Variants in EBF4 observed in about 807,000 individuals in gnomAD.
EBF4 encodes the protein transcription factor COE4.
EBF4 carries 34 observed loss-of-function variants against 67.1 expected under a neutral mutation model. The ratio of observed to expected loss-of-function variants is 0.51; its 90% CI spans 0.39 to 0.67. EBF4 has a LOEUF of 0.67. Ranked by LOEUF, EBF4 falls within the 30% of genes least tolerant of loss-of-function variation. The pLI, the probability that EBF4 is intolerant of heterozygous loss-of-function variation, is 0.00. For missense variants in EBF4, 837 were observed against 873.3 expected (o/e 0.96, Z 0.52); for synonymous variants, 387 against 377.7 (o/e 1.02, Z -0.29).
chr20:2,733,288 T>C (rs2087838107), intron 6 of EBF4, among the ~76,000 whole-genome samples: 1 of 152,220 alleles, frequency 6.6e-6, no homozygotes, highest in African/African-American at 2.4e-5. Flanking sequence ...GGATTCCTTA[T>C]ATATGACGAG....
rs141168809 is a variant in EBF4, at chr20:2,708,519, CA to C, written c.488+500del. On this transcript the variant is annotated intron_variant, in intron 5 of 16. Transcript: ENST00000609451. ...GTCTCCCCAAGAGATGCCAGTCGTACAGGGTCCTCGGAGGCAGTTCCTGATG... is the reference window on the plus strand; with the variant it reads ...GTCTCCCCAAGAGATGCCAGTCGTACGGGTCCTCGGAGGCAGTTCCTGATG... Among the ~76,000 whole-genome samples the C allele has an allele frequency of 5.4e-3, 817 of 152,296 alleles. 4 individuals are homozygous for C. The highest frequency in any genetic ancestry group is 8.1e-3 in the Non-Finnish European group (548 of 68,026).
At chr20:2,752,187 C>T in exon 13 of EBF4, 1 of 1,430,082 alleles carries the variant, frequency 7.0e-7, no homozygotes, top group Non-Finnish European at 9.2e-7. Flanking sequence ...ACCCACACCC[C>T]GCCGTCGTGG....
chr20:2,750,726 G>A (rs6132963), intron 10 of EBF4, among the ~76,000 whole-genome samples: 26,974 of 152,160 alleles, frequency 0.18, 2,744 homozygotes, highest in African/African-American at 0.27. Flanking sequence ...GCAGAGAACC[G>A]CATGGGGTGG....
rs375277265 is a variant in EBF4 at position 2,731,597 on chromosome 20, AGAAAG to A, written c.558-16948_558-16944del. Among the ~76,000 whole-genome samples the A allele has an allele frequency of 1.8e-3, 274 of 152,374 alleles. 5 individuals are homozygous for A. The South Asian group carries it at 0.025, about 14-fold the overall frequency. On this transcript the variant is annotated intron_variant, in intron 6 of 16. Coordinates refer to ENST00000609451, the Ensembl canonical transcript of EBF4. ...AGACTCAGAGGGTTCTATCATGAAAAGAAAGGAAGGAAGCTAGATAACGGGGACAG... is the reference window on the plus strand; with the variant it reads ...AGACTCAGAGGGTTCTATCATGAAAAGAAGGAAGCTAGATAACGGGGACAG...
intron 6 of EBF4, among the ~76,000 whole-genome samples, chr20:2,718,105 G>A (rs1488994600): frequency 6.6e-6 from 1 of 152,118 alleles, no homozygotes; most frequent in Non-Finnish European, 1.5e-5. Flanking sequence ...CACCGCACCC[G>A]GCTGGTTAAT....
chr20:2,738,039 G>A (rs1262099665), intron 6 of EBF4, among the ~76,000 whole-genome samples: 2 of 152,068 alleles, frequency 1.3e-5, no homozygotes, highest in African/African-American at 2.4e-5. Flanking sequence ...ACAGTCAGGG[G>A]TAGACATCCC....
rs1393790284 is a variant in EBF4, at chr20:2,696,750, C to G, written c.137+2968C>G. On this transcript the variant is annotated intron_variant, in intron 1 of 16. Coordinates refer to ENST00000609451, the Ensembl canonical transcript of EBF4. This position sits in a 1 kb window ranked among gnomAD's most constrained non-coding sequence, Gnocchi z 4.7. Reference sequence around the variant, plus strand: ...TCACCAGCCTCAGGACTCCCTCTTACACCCACCGACCCCAGCAACTGCTCT... The same window carrying G: ...TCACCAGCCTCAGGACTCCCTCTTAGACCCACCGACCCCAGCAACTGCTCT... 6.6e-6 allele frequency among the ~76,000 whole-genome samples: 1 copy of G among 152,188 alleles called. No individual in the cohort carries two copies.
intron 6 of EBF4, among the ~76,000 whole-genome samples, chr20:2,711,178 TA>T (rs1491476749): frequency 3.6e-5 from 5 of 140,792 alleles, no homozygotes; most frequent in African/African-American, 1.3e-4. Flanking sequence ...ATAATAATAA[TA>T]AAATTAAATT....
At chr20:2,713,840 T>A (rs2087574208) in intron 6 of EBF4, among the ~76,000 whole-genome samples, 1 of 152,100 alleles carries the variant, frequency 6.6e-6, no homozygotes, top group Admixed American at 6.6e-5. Context: ...GGATGGAGAA[T>A]GGGTTGCCTG....
exon 13 of EBF4, chr20:2,752,251 G>T (rs1235320351): frequency 8.6e-6 from 11 of 1,281,864 alleles, no homozygotes; most frequent in Non-Finnish European, 9.8e-6. Flanking sequence ...CGCCACCCCG[G>T]GGCCCGAGCC....
At chr20:2,719,373 C>T (rs1021735968) in intron 6 of EBF4, among the ~76,000 whole-genome samples, 1 of 152,218 alleles carries the variant, frequency 6.6e-6, no homozygotes, top group African/African-American at 2.4e-5. Flanking sequence ...CTCCCAGGCT[C>T]AAGCGATTCT....
rs2088145452 is a variant in EBF4, at chr20:2,751,556, C to T, written c.1019-144C>T. 3 of 765,266 alleles carry T rather than the reference C, an allele frequency of 3.9e-6. No homozygotes were observed. The allele number at this position is 765,266 out of a possible 1,614,324, so 47.4% of individuals were successfully genotyped here. On this transcript the variant is annotated intron_variant, in intron 10 of 16. Transcript: ENST00000609451. This position sits in a 1 kb window ranked among gnomAD's most constrained non-coding sequence, Gnocchi z 5.2. The stretch of plus-strand genomic sequence containing the variant: ...GCTGCCGGGGGTGCCTGGAGTTTTC[C>T]GGGGGACTTGGGCTGGGCCTGGTGG...
At chr20:2,748,861 A>G (rs2088094207) in intron 7 of EBF4, among the ~76,000 whole-genome samples, 1 of 152,194 alleles carries the variant, frequency 6.6e-6, no homozygotes, top group Middle Eastern at 3.2e-3. Context: ...ACTTAAGAAG[A>G]TGCTAATTGT....
chr20:2,714,549 G>A (rs1465734752), intron 6 of EBF4, among the ~76,000 whole-genome samples: 1 of 152,148 alleles, frequency 6.6e-6, no homozygotes, highest in African/African-American at 2.4e-5. Context: ...ATGGGGTTTT[G>A]CCATGTTGCC....
chr20:2,708,119 T>G (rs959411948), intron 5 of EBF4, 99 bp downstream of exon 5: 1 of 1,245,722 alleles, frequency 8.0e-7, no homozygotes, highest in Admixed American at 2.3e-5. Context: ...CCCTGGCTGC[T>G]CTCTGCTGCT....
chr20:2,739,107 G>C lies in EBF4; in HGVS notation c.558-9442G>C, dbSNP rs1425660418. ...GCCTGGGCCAACCCCACATGGGCCTGAACTATTACAGTAAGCTCCTCATTT... is the reference window on the plus strand; with the variant it reads ...GCCTGGGCCAACCCCACATGGGCCTCAACTATTACAGTAAGCTCCTCATTT... On this transcript the variant is annotated intron_variant, in intron 6 of 16. Coordinates refer to ENST00000609451, the Ensembl canonical transcript of EBF4. The surrounding 1 kb of genome is among the most constrained non-coding windows in gnomAD (Gnocchi z 4.5). Among the ~76,000 whole-genome samples, 1 of 152,160 alleles carries C rather than the reference G, an allele frequency of 6.6e-6. No individual in the cohort carries two copies. Among genetic ancestry groups the C allele is most frequent in the Admixed American group, 6.5e-5 (1 of 15,284 alleles).
In EBF4 at chr20:2,752,331, C is replaced by G. The variant is rs1347605166; in HGVS notation, c.1352-26C>G. 12 of 1,199,388 alleles carry G rather than the reference C, an allele frequency of 1.0e-5. No individual in the cohort carries two copies. In the Admixed American group the frequency reaches 1.4e-4, roughly 14 times the overall value. The allele number at this position is 1,199,388 out of a possible 1,614,324, so 74.3% of individuals were successfully genotyped here. A position where few individuals can be genotyped will look rare whatever the true frequency, so the allele number is the denominator to read the frequency against. On this transcript the variant is annotated intron_variant, in intron 13 of 16. Coordinates refer to ENST00000609451, the Ensembl canonical transcript of EBF4. The stretch of plus-strand genomic sequence containing the variant: ...CGCCCCTCCCCGGCCGGCACCGCCC[C>G]CTGACGGCCGCGCTCTCTCTCGCAG...
At chr20:2,742,920 A>G (rs1428373170) in intron 6 of EBF4, among the ~76,000 whole-genome samples, 1 of 152,016 alleles carries the variant, frequency 6.6e-6, no homozygotes, top group Non-Finnish European at 1.5e-5. Flanking sequence ...CAGGCCCAGA[A>G]CCTTGTCCTC....
chr20:2,732,268 A>G (rs1026030067), intron 6 of EBF4, among the ~76,000 whole-genome samples: 1 of 152,004 alleles, frequency 6.6e-6, no homozygotes. Flanking sequence ...CTACAGGTGC[A>G]TGCCACCACA....
Sources: gnomAD v4.1 joint callset for allele counts (sites outside exome capture counted in the v4.1 genomes callset) on GRCh38, gnomAD v4.1.1 for gene constraint, Gnocchi (gnomAD v3.1) non-coding constraint, MANE v1.5 for transcripts, NCBI Gene and HGNC (gene_info 2026-07-23, HGNC 2026-07-21) for gene names.